Variants in RBFOX1 observed in about 807,000 individuals in gnomAD.
The protein encoded by RBFOX1 is RNA binding protein fox-1 homolog 1.
RBFOX1 carries 8 observed loss-of-function variants against 57.7 expected under a neutral mutation model. That is an observed-to-expected ratio of 0.14 (90% CI 0.08 to 0.25). The LOEUF (loss-of-function observed/expected upper bound fraction) is 0.25, where lower values mean the gene tolerates loss of function less well. Among genes scored for constraint, RBFOX1 ranks in the 10% least tolerant of loss-of-function variants. RBFOX1 has a pLI of 1.00. For missense variants in RBFOX1, 611 were observed against 548.5 expected (o/e 1.11, Z -1.14); for synonymous variants, 326 against 222.4 (o/e 1.47, Z -4.15).
chr16:6,073,152 G>C (rs940345879), intron 1 of RBFOX1, among the ~76,000 whole-genome samples: 2 of 152,018 alleles, frequency 1.3e-5, no homozygotes, highest in African/African-American at 4.8e-5. Flanking sequence ...TATCTAATGG[G>C]GGTTGGCCAC....
At chr16:7,448,172 C>G (rs550150342) in intron 4 of RBFOX1, among the ~76,000 whole-genome samples, 1 of 152,338 alleles carries the variant, frequency 6.6e-6, no homozygotes, top group South Asian at 2.1e-4. Context: ...TAGCAAATTA[C>G]TGCAAACAGA....
intron 2 of RBFOX1, among the ~76,000 whole-genome samples, chr16:6,573,360 C>T (rs2097372366): frequency 6.6e-6 from 1 of 152,184 alleles, no homozygotes; most frequent in Non-Finnish European, 1.5e-5. Flanking sequence ...GACTGTCTTT[C>T]TCTCAGCTCT....
chr16:5,899,144 C>CAAAAAAAAAAAAAAAAAAAAAAAAA (rs35163906), intron 4 of RBFOX1, among the ~76,000 whole-genome samples: 1 of 100,080 alleles, frequency 1.0e-5, no homozygotes, highest in African/African-American at 4.0e-5. Flanking sequence ...GACCCTGTCT[C>CAAAAAAAAAAAAAAAAAAAAAAAAA]AAAAAAAAAA....
intron 2 of RBFOX1, among the ~76,000 whole-genome samples, chr16:5,514,647 G>A (rs1361901358): frequency 2.0e-5 from 3 of 152,046 alleles, no homozygotes; most frequent in Admixed American, 1.3e-4. Context: ...CAAAACGGAT[G>A]CACATCTCTG....
At chr16:6,976,263 A>G (rs566599810) in intron 3 of RBFOX1, among the ~76,000 whole-genome samples, 1 of 152,106 alleles carries the variant, frequency 6.6e-6, no homozygotes, top group African/African-American at 2.4e-5. Context: ...CAGTTAAGAA[A>G]CTCACCTGTA....
intron 14 of RBFOX1, among the ~76,000 whole-genome samples, chr16:7,706,013 A>T (rs2082317551): frequency 6.6e-6 from 1 of 152,112 alleles, no homozygotes; most frequent in South Asian, 2.1e-4. Flanking sequence ...TCTTCCCATC[A>T]TTCCTGTGGA....
In RBFOX1 at chr16:7,078,863, C is replaced by CTTTTTTTTT. The variant is rs57410575; in HGVS notation, c.27+26783_27+26791dup. ...ACGCCCAGCTAATTTATATATATACCTTTTTTTTTTTTTTTTTTTTTTTTT... is the reference window on the plus strand; with the variant it reads ...ACGCCCAGCTAATTTATATATATACCTTTTTTTTTTTTTTTTTTTTTTTTTTTTTTTTTT... On this transcript the variant is annotated intron_variant, in intron 4 of 15. Transcript: ENST00000550418. Among the ~76,000 whole-genome samples, 63 of 52,746 alleles carry CTTTTTTTTT rather than the reference C, an allele frequency of 1.2e-3. 14 individuals are homozygous for CTTTTTTTTT. The highest frequency in any genetic ancestry group is 4.5e-3 in the African/African-American group (57 of 12,786). The allele number at this position is 52,746 out of a possible 152,430, so 34.6% of individuals were successfully genotyped here.
chr16:5,271,575 G>A (rs1374730933), intron 1 of RBFOX1, among the ~76,000 whole-genome samples: 8 of 77,328 alleles, frequency 1.0e-4, no homozygotes, highest in East Asian at 5.1e-4. Context: ...ACCTGACTGC[G>A]CGTTAGGTAT....
chr16:6,961,145 C>CACACACACACACACACACA (rs142889433), intron 3 of RBFOX1, among the ~76,000 whole-genome samples: 5,325 of 143,630 alleles, frequency 0.037, 200 homozygotes, highest in African/African-American at 0.062. Flanking sequence ...TCACACACAC[C>CACACACACACACACACACA]CACACAGACA....
At chr16:5,667,304 G>T (rs146446566) in intron 3 of RBFOX1, among the ~76,000 whole-genome samples, 1 of 152,036 alleles carries the variant, frequency 6.6e-6, no homozygotes, top group Non-Finnish European at 1.5e-5. Flanking sequence ...TTTCTAATAC[G>T]TACATGTAAG....
chr16:6,153,166 AG>A (rs1339551453), intron 1 of RBFOX1, among the ~76,000 whole-genome samples: 1 of 151,926 alleles, frequency 6.6e-6, no homozygotes, highest in African/African-American at 2.4e-5. Flanking sequence ...TCACCAGAGC[AG>A]TATACCCTGA....
chr16:7,221,399 C>G (rs1391485948), intron 4 of RBFOX1, among the ~76,000 whole-genome samples: 2 of 150,020 alleles, frequency 1.3e-5, no homozygotes, highest in East Asian at 2.0e-4. Context: ...CAGAGTTTTG[C>G]TCTGTCGTCC....
At chr16:6,232,280 C>G (rs550677542) in intron 1 of RBFOX1, among the ~76,000 whole-genome samples, 3 of 152,240 alleles carry the variant, frequency 2.0e-5, no homozygotes, top group South Asian at 4.2e-4. Context: ...CATCTCTGCA[C>G]CAGTGTCACT....
intron 1 of RBFOX1, chr16:6,056,963 C>T (rs1342313671): frequency 6.6e-6 from 1 of 151,144 alleles, no homozygotes; most frequent in African/African-American, 2.4e-5. Flanking sequence ...TTTTATGATA[C>T]CTTTCCTCTA....
rs186542010 is a variant in RBFOX1, at chr16:6,362,821, G to A, written c.-64+45764G>A. Among the ~76,000 whole-genome samples the A allele has an allele frequency of 8.5e-5, 13 of 152,290 alleles. No individual in the cohort carries two copies. The East Asian group carries it at 1.7e-3, about 20-fold the overall frequency. ...ATCACACTGGCAGTGCAACTTCATT[G>A]ACCTTCACCCTCGAATTCGAGGAAG... On this transcript the variant is annotated intron_variant, in intron 2 of 15. Coordinates refer to ENST00000550418, the MANE Select transcript of RBFOX1 (RefSeq NM_018723.4).
At chr16:7,364,659 C>T (rs2097402885) in intron 4 of RBFOX1, among the ~76,000 whole-genome samples, 1 of 151,910 alleles carries the variant, frequency 6.6e-6, no homozygotes, top group East Asian at 1.9e-4. Context: ...GAATGAATGC[C>T]TTTTCTTCTA....
At chr16:6,858,304 A>G (rs1485249521) in intron 3 of RBFOX1, among the ~76,000 whole-genome samples, 2 of 152,184 alleles carry the variant, frequency 1.3e-5, no homozygotes, top group Non-Finnish European at 2.9e-5. Context: ...GTGTTGAGAG[A>G]CTAGATTAGG....
Position 5,482,076 on chromosome 16 carries a change from A to T in RBFOX1, c.258+14822A>T, listed in dbSNP as rs534594715. 1.3e-4 allele frequency among the ~76,000 whole-genome samples: 20 copies of T among 152,296 alleles called. No homozygotes were observed. The East Asian group carries it at 3.3e-3, about 25-fold the overall frequency. ...GTGATGACAGGGACCCTGTCCAAGTAAGGATCCTACACTAGGGACTTTCAC... is the reference window on the plus strand; with the variant it reads ...GTGATGACAGGGACCCTGTCCAAGTTAGGATCCTACACTAGGGACTTTCAC... On this transcript the variant is annotated intron_variant, in intron 2 of 2. Transcript: ENST00000585867.
chr16:7,246,065 T>A (rs975303331), intron 4 of RBFOX1, among the ~76,000 whole-genome samples: 1 of 152,202 alleles, frequency 6.6e-6, no homozygotes, highest in Non-Finnish European at 1.5e-5. Flanking sequence ...CCACAACTGT[T>A]AAGTATGTTT....
Sources: allele counts gnomAD v4.1 joint callset (sites outside exome capture counted in the v4.1 genomes callset), GRCh38; gene constraint gnomAD v4.1.1; transcripts MANE v1.5; gene names NCBI Gene and HGNC (gene_info 2026-07-23, HGNC 2026-07-21).